The following HUWE1 variants were observed in gnomAD, a reference collection of about 807,000 sequenced individuals.
HUWE1 encodes HECT, UBA and WWE domain containing E3 ubiquitin protein ligase 1.
In HUWE1, 18 loss-of-function variants were observed where a neutral mutation model predicts 299.4. The observed-to-expected ratio is 0.06, with a 90% CI of 0.04 to 0.09. The LOEUF (loss-of-function observed/expected upper bound fraction) is 0.09. Among genes scored for constraint, HUWE1 ranks in the 10% least tolerant of loss-of-function variants. The pLI, the probability that HUWE1 is intolerant of heterozygous loss-of-function variation, is 1.00. For missense variants in HUWE1, 1,832 were observed against 3,462.3 expected, an observed-to-expected ratio of 0.53 and a Z score of 11.82; for synonymous variants, 1,317 against 1,286.1, an observed-to-expected ratio of 1.02 and a Z score of -0.51.
chrX:53,551,088 G>A lies in HUWE1; in HGVS notation c.9198C>T (p.Pro3066=). The part of the protein sequence containing the change: ...MDPVTFIQTL[P]SDLRRSVLED... ...CTAGGACACTACGGCGCAGGTCTGAGGGCAGAGTCTGGATGAAGGTCACAG... is the reference window on the plus strand; with the variant it reads ...CTAGGACACTACGGCGCAGGTCTGAAGGCAGAGTCTGGATGAAGGTCACAG... The change falls in exon 65 of 84, where the codon CCC becomes CCT. Residue 3066 remains proline, a synonymous_variant. Coordinates refer to ENST00000262854, the MANE Select transcript of HUWE1 (RefSeq NM_031407.7). 3 of 1,211,942 alleles carry A rather than the reference G, an allele frequency of 2.5e-6. No individual in the cohort carries two copies. Among genetic ancestry groups the A allele is most frequent in the Non-Finnish European group, 3.4e-6 (3 of 895,473 alleles).
At chrX:53,587,534 G>C (rs1556974445) in intron 37 of HUWE1, among the ~76,000 whole-genome samples, 1 of 111,912 alleles carries the variant, frequency 8.9e-6, no homozygotes, top group African/African-American at 3.2e-5. Context: ...TAAATGAACA[G>C]GAAAAAACAC....
chrX:53,612,344 T>G lies in HUWE1; in HGVS notation c.2261+2190A>C, dbSNP rs149846027. Among the ~76,000 whole-genome samples the G allele has an allele frequency of 6.9e-3, 772 of 112,127 alleles. 4 individuals are homozygous for G. The highest frequency in any genetic ancestry group is 0.01 in the Non-Finnish European group (551 of 53,206). Reference sequence around the variant, plus strand: ...ACTGATACTGGGGTACAGTAACTACTAGAGTCCTCTGCATCTTAGAAGTTA... The same window carrying G: ...ACTGATACTGGGGTACAGTAACTACGAGAGTCCTCTGCATCTTAGAAGTTA... On this transcript the variant is annotated intron_variant, in intron 23 of 83. Coordinates refer to ENST00000262854, the MANE Select transcript of HUWE1 (RefSeq NM_031407.7).
intron 36 of HUWE1, among the ~76,000 whole-genome samples, chrX:53,589,244 T>C (rs942214240): frequency 1.8e-5 from 2 of 112,062 alleles, no homozygotes; most frequent in African/African-American, 3.2e-5. Context: ...GGCTGTTACA[T>C]AGGAAAAAAC....
rs782374269 is a variant in HUWE1 at position 53,617,400 on chromosome X, G to C, written c.1719C>G (p.Leu573=). ...TCAATCCATTGTCCTGGAGTGAGGA[G>C]AGCAGTGATGGTTCTTGAAATACAA... ...TVFVFQEPSL[L]SSLQDNGLTD... Residue 573 remains leucine, a synonymous_variant, in exon 20 of 84, where the codon CTC becomes CTG. Transcript: ENST00000262854. 1.1e-5 allele frequency: 13 copies of C among 1,197,104 alleles called. No individual in the cohort carries two copies. The highest frequency in any genetic ancestry group is 2.2e-5 in the Admixed American group (1 of 45,515).
intron 62 of HUWE1, 51 bp from the exon 63 acceptor site, chrX:53,552,492 T>TA: frequency 8.3e-7 from 1 of 1,206,829 alleles, no homozygotes. Flanking sequence ...TTCTCGTTTA[T>TA]AAAACACTGC....
chrX:53,610,725 C>T (rs1195194839), intron 23 of HUWE1, among the ~76,000 whole-genome samples: 1 of 111,804 alleles, frequency 8.9e-6, no homozygotes, highest in Non-Finnish European at 1.9e-5. Flanking sequence ...AGGAGCCCTC[C>T]CAGTGGGCCA....
Position 53,616,856 on chromosome X carries a change from T to A in HUWE1, c.1957+114A>T, listed in dbSNP as rs183500439. On this transcript the variant is annotated intron_variant, in intron 21 of 83. Transcript: ENST00000262854. ...AGTATAATAGAATGTATGATGATAATTCCCATTAAACTTAGCACACCTAAC... is the reference window on the plus strand; with the variant it reads ...AGTATAATAGAATGTATGATGATAAATCCCATTAAACTTAGCACACCTAAC... The A allele has an allele frequency of 2.5e-3, 1,418 of 564,407 alleles. 9 individuals carry two copies. The highest frequency in any genetic ancestry group is 0.013 in the East Asian group (372 of 27,810). The allele number at this position is 564,407 out of a possible 1,213,427, so 46.5% of individuals were successfully genotyped here. A position where few individuals can be genotyped will look rare whatever the true frequency, so the allele number is the denominator to read the frequency against.
intron 6 of HUWE1, among the ~76,000 whole-genome samples, 156 bp downstream of exon 6, chrX:53,647,212 C>T (rs1156507647): frequency 8.9e-6 from 1 of 111,749 alleles, no homozygotes; most frequent in African/African-American, 3.3e-5. Flanking sequence ...AGGATAGTAT[C>T]TATATCCAAG....
At chrX:53,652,173 G>A (rs2068513080) in intron 4 of HUWE1, among the ~76,000 whole-genome samples, 1 of 112,042 alleles carries the variant, frequency 8.9e-6, no homozygotes, top group African/African-American at 3.2e-5. Context: ...CTATTGTCAT[G>A]TCTTTTTAAT....
At chrX:53,602,173 T>G (rs1471246166) in intron 28 of HUWE1, among the ~76,000 whole-genome samples, 1 of 111,786 alleles carries the variant, frequency 8.9e-6, no homozygotes, top group African/African-American at 3.3e-5. Flanking sequence ...AAATGTTCAT[T>G]TTTTAAAAAT....
At position 53,546,599 on chromosome X, in the gene HUWE1, A is replaced by G; in HGVS notation, c.10759-7T>C. 5 of 1,209,853 alleles carry G rather than the reference A, an allele frequency of 4.1e-6. No homozygotes were observed. The highest frequency in any genetic ancestry group is 4.5e-6 in the Non-Finnish European group (4 of 894,478). On this transcript the variant is annotated splice_region_variant and splice_polypyrimidine_tract_variant and intron_variant, in intron 69 of 83. Coordinates refer to ENST00000262854, the MANE Select transcript of HUWE1 (RefSeq NM_031407.7). ...AAGAGTGGGATGTCAACACCTGAGA[A>G]AAAGAAGACAGAAGGAGTAAGCCCC...
At chrX:53,541,567 C>T (rs1012780553) in intron 74 of HUWE1, among the ~76,000 whole-genome samples, 3 of 111,534 alleles carry the variant, frequency 2.7e-5, no homozygotes, top group Non-Finnish European at 5.7e-5. Flanking sequence ...GCACTCCACC[C>T]TGGGAGACAG....
At chrX:53,538,250 T>C (rs781880548) in intron 77 of HUWE1, 87 bp downstream of exon 77, 58 of 632,321 alleles carry the variant, frequency 9.2e-5, no homozygotes, top group African/African-American at 5.4e-4. Flanking sequence ...CAAAGGAAAT[T>C]TGTGGCCTCA....
At position 53,542,584 on chromosome X, in the gene HUWE1, T is replaced by C. The variant is rs186467701; in HGVS notation, c.11380-45A>G. On this transcript the variant is annotated intron_variant, in intron 73 of 83. Coordinates refer to ENST00000262854, the MANE Select transcript of HUWE1 (RefSeq NM_031407.7). ...AAATCACATAAGGGTGCAACTCTGC[T>C]TTCCTTAGAGACAGGCTAGAGGTTG... 2.2e-3 allele frequency: 1,992 copies of C among 887,341 alleles called. 2 individuals are homozygous for C. Among genetic ancestry groups the C allele is most frequent in the Non-Finnish European group, 2.7e-3 (1,647 of 601,817 alleles). The allele number at this position is 887,341 out of a possible 1,213,427, so 73.1% of individuals were successfully genotyped here. A position where few individuals can be genotyped will look rare whatever the true frequency, so the allele number is the denominator to read the frequency against.
At chrX:53,659,060 G>T (rs1009301682) in intron 3 of HUWE1, among the ~76,000 whole-genome samples, 9 of 112,832 alleles carry the variant, frequency 8.0e-5, no homozygotes, top group Non-Finnish European at 1.7e-4. Flanking sequence ...CCAAATGCTT[G>T]TGAGGATGTG....
Position 53,536,164 on chromosome X carries a change from G to C in HUWE1, c.12514C>G (p.Leu4172Val). 8.4e-7 allele frequency: 1 copy of C among 1,194,786 alleles called. No individual in the cohort carries two copies. Residue 4172 changes from leucine to valine, a missense_variant, in exon 80 of 84, where the codon CTC becomes GTC. Transcript: ENST00000262854. The part of the protein sequence containing the change: ...ENDVSTLGYD[L>V]TFSTEVQEFG... ...TGACCTACCTCAGTGCTGAAGGTGAGGTCATAGCCTAGTGTGGAGACATCA... is the reference window on the plus strand; with the variant it reads ...TGACCTACCTCAGTGCTGAAGGTGACGTCATAGCCTAGTGTGGAGACATCA...
chrX:53,564,982 ACAC>A (rs2062457500), intron 50 of HUWE1, 82 bp downstream of exon 50: 10 of 1,027,656 alleles, frequency 9.7e-6, no homozygotes, highest in Non-Finnish European at 1.4e-5. Context: ...TCCCAGGGAA[ACAC>A]CACCAAGCCA....
chrX:53,584,077 G>A lies in HUWE1; in HGVS notation c.5161+109C>T. The A allele has an allele frequency of 4.7e-6, 4 of 854,655 alleles. No individual in the cohort carries two copies. The South Asian group carries it at 8.2e-5, about 17-fold the overall frequency. 70.4% of individuals were successfully genotyped at this position (854,655 alleles called of 1,213,427 possible). A position where few individuals can be genotyped will look rare whatever the true frequency, so the allele number is the denominator to read the frequency against. On this transcript the variant is annotated intron_variant, in intron 41 of 83. Transcript: ENST00000262854. ...ATGAAAAAGCATAAGGGAGGCCTAC[G>A]TATCTTTAATCTGTTAATCAAGCTG...
Position 53,583,739 on chromosome X carries a change from C to T in HUWE1, c.5339G>A (p.Arg1780His). 1 of 1,210,937 alleles carries T rather than the reference C, an allele frequency of 8.3e-7. No homozygotes were observed. Among genetic ancestry groups the T allele is most frequent in the Non-Finnish European group, 1.1e-6 (1 of 895,295 alleles). The stretch of plus-strand genomic sequence containing the variant: ...GTCCCGGGTGAGCCTCAGACAGAGA[C>T]GAAGGGTGGCATGCAAAGTATCTGG... ...VDPDTLHATLRLCLRLTRDHK... is the reference protein window; with the variant it reads ...VDPDTLHATLHLCLRLTRDHK... Residue 1780 changes from arginine (R) to histidine (H), a missense_variant, in exon 42 of 84, where the codon CGT becomes CAT. Arg to His is a conservative substitution (Grantham distance 29). Transcript: ENST00000262854.
Sources: gnomAD v4.1 joint callset for allele counts (sites outside exome capture counted in the v4.1 genomes callset) on GRCh38, gnomAD v4.1.1 for gene constraint, MANE v1.5 for transcripts, NCBI Gene and HGNC (gene_info 2026-07-23, HGNC 2026-07-21) for gene names.